The following ANKFY1 variants were observed in gnomAD, a reference collection of about 807,000 sequenced individuals.
ANKFY1 encodes ankyrin repeat and FYVE domain containing 1.
ANKFY1 carries 47 observed loss-of-function variants against 128.3 expected under a neutral mutation model. The observed-to-expected ratio is 0.37, with a 90% CI of 0.29 to 0.47. The LOEUF is 0.47. Ranked by LOEUF, ANKFY1 falls within the 20% of genes least tolerant of loss-of-function variation. The pLI is 1.00. For synonymous variants in ANKFY1, 553 were observed against 601.6 expected (o/e 0.92, Z 1.18); for missense variants, 1,222 against 1,510.6 (o/e 0.81, Z 3.17).
intron 8 of ANKFY1, 141 bp downstream of exon 8, chr17:4,197,231 AT>A: frequency 1.2e-6 from 1 of 832,968 alleles, no homozygotes; most frequent in Non-Finnish European, 1.9e-6. Context: ...ACTACTACAC[AT>A]CGATGTCTGT....
At chr17:4,200,673 A>C (rs572204447) in intron 7 of ANKFY1, among the ~76,000 whole-genome samples, 8 of 152,312 alleles carry the variant, frequency 5.3e-5, no homozygotes, top group African/African-American at 1.7e-4. Context: ...GATGAATGCT[A>C]GATTGTTGAA....
chr17:4,210,990 C>T (rs1280273949), intron 4 of ANKFY1, among the ~76,000 whole-genome samples: 2 of 152,032 alleles, frequency 1.3e-5, no homozygotes, highest in Admixed American at 6.6e-5. Context: ...CGAGATTACG[C>T]CACTGCACTC....
rs147240349 is a variant in ANKFY1 at position 4,186,968 on chromosome 17, C to T, written c.1471-1922G>A. Reference sequence around the variant, plus strand: ...CAGGCTCCTCCTCCTGGCCAGTTTCCTCTGTTTTTCCATGGGTTCGCCGCA... The same window carrying T: ...CAGGCTCCTCCTCCTGGCCAGTTTCTTCTGTTTTTCCATGGGTTCGCCGCA... On this transcript the variant is annotated intron_variant, in intron 11 of 24. Coordinates refer to ENST00000341657, the MANE Select transcript of ANKFY1 (RefSeq NM_001330063.2). The T allele has an allele frequency of 2.4e-4, 291 of 1,196,436 alleles. 2 individuals carry two copies. The East Asian group carries it at 6.5e-3, about 27-fold the overall frequency. The allele number at this position is 1,196,436 out of a possible 1,614,324, so 74.1% of individuals were successfully genotyped here. A position where few individuals can be genotyped will look rare whatever the true frequency, so the allele number is the denominator to read the frequency against.
intron 6 of ANKFY1, among the ~76,000 whole-genome samples, chr17:4,207,244 G>GGCCCGA: frequency 6.6e-6 from 1 of 152,070 alleles, no homozygotes; most frequent in South Asian, 2.1e-4. Flanking sequence ...AACCACACAA[G>GGCCCGA]TCCTTCAAAG....
chr17:4,215,475 C>G (rs1048350138), intron 4 of ANKFY1, among the ~76,000 whole-genome samples: 3 of 152,098 alleles, frequency 2.0e-5, no homozygotes, highest in Admixed American at 6.6e-5. Context: ...GAACCGCACC[C>G]GTCGCTAGCA....
At chr17:4,222,444 G>A in intron 3 of ANKFY1, 1 of 805,240 alleles carries the variant, frequency 1.2e-6, no homozygotes, top group Admixed American at 1.7e-5. Flanking sequence ...TTGAATGTAA[G>A]CTGGGATTCC....
chr17:4,173,494 A>T, intron 20 of ANKFY1, 50 bp from the exon 21 acceptor site: 7 of 1,545,936 alleles, frequency 4.5e-6, no homozygotes, highest in Non-Finnish European at 6.3e-6. Flanking sequence ...CATGCAGAAA[A>T]ACCTCCACTC....
chr17:4,212,783 T>G (rs2060155996), intron 4 of ANKFY1, among the ~76,000 whole-genome samples: 1 of 151,432 alleles, frequency 6.6e-6, no homozygotes, highest in Non-Finnish European at 1.5e-5. Flanking sequence ...TTTTTTTTTT[T>G]TTTTTTGAGA....
intron 8 of ANKFY1, among the ~76,000 whole-genome samples, chr17:4,196,559 A>G (rs1351489823): frequency 2.6e-5 from 4 of 152,204 alleles, no homozygotes; most frequent in Non-Finnish European, 4.4e-5. Flanking sequence ...CTATTTCTGG[A>G]AAGGGGCAAA....
At position 4,195,153 on chromosome 17, in the gene ANKFY1, G is replaced by A. The variant is rs368290425; in HGVS notation, c.1197C>T (p.His399=). 5.2e-5 allele frequency: 84 copies of A among 1,610,142 alleles called. No homozygotes were observed. Among genetic ancestry groups the A allele is most frequent in the Admixed American group, 5.2e-4 (31 of 59,850 alleles). ...CKQLDLELKD[H]EGSTALWLAV... The stretch of plus-strand genomic sequence containing the variant: ...CCAGCCACAGAGCCGTGCTGCCCTC[G>A]TGGTCTTTGAGTTCTAAATCTAGTC... Residue 399 remains histidine, a synonymous_variant, in exon 10 of 25, where the codon CAC becomes CAT. Transcript: ENST00000341657.
At chr17:4,217,188 T>G in intron 3 of ANKFY1, 70 bp from the exon 4 acceptor site, 3 of 1,544,990 alleles carry the variant, frequency 1.9e-6, no homozygotes, top group Non-Finnish European at 2.7e-6. Flanking sequence ...AAGGGATCCC[T>G]AAAATTTGAG....
chr17:4,198,667 C>G (rs533734600), intron 7 of ANKFY1, among the ~76,000 whole-genome samples: 1 of 152,174 alleles, frequency 6.6e-6, no homozygotes, highest in Non-Finnish European at 1.5e-5. Context: ...CCACCGTGCC[C>G]GGCCTCTTTT....
chr17:4,182,440 C>T (rs2059532873), intron 14 of ANKFY1, 91 bp from the exon 15 acceptor site: 12 of 1,011,368 alleles, frequency 1.2e-5, no homozygotes, highest in Non-Finnish European at 1.1e-5. Context: ...CCAGAATCTT[C>T]TGTCTCTAAT....
At chr17:4,222,109 G>A (rs1255853013) in intron 3 of ANKFY1, 1 of 150,500 alleles carries the variant, frequency 6.6e-6, no homozygotes, top group African/African-American at 2.4e-5. Flanking sequence ...AGGCGGCGGT[G>A]CGGCGGGCGG....
intron 3 of ANKFY1, among the ~76,000 whole-genome samples, chr17:4,230,628 T>C (rs1293008323): frequency 2.0e-5 from 3 of 152,228 alleles, no homozygotes; most frequent in African/African-American, 7.2e-5. Context: ...TAAACTTTTA[T>C]CTTTTATTCT....
intron 3 of ANKFY1, chr17:4,223,206 T>G (rs1598104439): frequency 1.3e-6 from 1 of 785,148 alleles, no homozygotes; most frequent in East Asian, 2.5e-5. Flanking sequence ...CACAGAAATC[T>G]TCTTCCTATT....
At chr17:4,256,151 A>G (rs977430964) in intron 1 of ANKFY1, among the ~76,000 whole-genome samples, 9 of 149,220 alleles carry the variant, frequency 6.0e-5, no homozygotes, top group East Asian at 2.2e-4. Flanking sequence ...CCAGGTGGCC[A>G]GGCGCGGTGG....
At chr17:4,214,078 A>G (rs2143020101) in intron 4 of ANKFY1, among the ~76,000 whole-genome samples, 1 of 152,294 alleles carries the variant, frequency 6.6e-6, no homozygotes, top group East Asian at 1.9e-4. Context: ...TAACATCCTA[A>G]CACCAGGCAG....
chr17:4,207,522 C>G (rs903162852), intron 6 of ANKFY1, among the ~76,000 whole-genome samples: 1 of 152,084 alleles, frequency 6.6e-6, no homozygotes, highest in East Asian at 1.9e-4. Context: ...CACAGCCTGC[C>G]GACATCCTGA....
Sources: allele counts gnomAD v4.1 joint callset (sites outside exome capture counted in the v4.1 genomes callset), GRCh38; gene constraint gnomAD v4.1.1; transcripts MANE v1.5; gene names NCBI Gene and HGNC (gene_info 2026-07-23, HGNC 2026-07-21).